CCDC178: variants seen among roughly 807,000 people sequenced by gnomAD.
CCDC178 encodes the protein coiled-coil domain-containing protein 178.
In CCDC178, 126 loss-of-function variants were observed where a neutral mutation model predicts 117.4. The observed-to-expected ratio is 1.07, with a 90% CI of 0.93 to 1.24. The LOEUF (loss-of-function observed/expected upper bound fraction) is 1.24. CCDC178 is among the 50% of genes most tolerant of loss of function. The pLI, the probability that CCDC178 is intolerant of heterozygous loss-of-function variation, is 0.00. For synonymous variants in CCDC178, 283 were observed against 313.4 expected (o/e 0.90, Z 1.02); for missense variants, 1,030 against 986.9 (o/e 1.04, Z -0.59).
chr18:33,152,989 C>G (rs1192643562), intron 20 of CCDC178, among the ~76,000 whole-genome samples: 2 of 143,310 alleles, frequency 1.4e-5, no homozygotes, highest in African/African-American at 5.1e-5. Flanking sequence ...AGAAAAAACA[C>G]AAGCAGAAAT....
rs1433603340 is a variant in CCDC178, at chr18:33,245,261, A to C, written c.1577T>G (p.Val526Gly). Residue 526 changes from valine (V) to glycine (G), a missense_variant, in exon 15 of 23, where the codon GTG becomes GGG. Val to Gly is a moderately radical substitution (Grantham distance 109). Transcript: ENST00000383096. ...TDEMEDKIAE[V>G]RRKFKGREEF... ...ATACACAACCTTGAACTTTCTTCTCACTTCTGCTATTTTATCTTCCATTTC... is the reference window on the plus strand; with the variant it reads ...ATACACAACCTTGAACTTTCTTCTCCCTTCTGCTATTTTATCTTCCATTTC... 2 of 1,585,890 alleles carry C rather than the reference A, an allele frequency of 1.3e-6. No individual in the cohort carries two copies. The highest frequency in any genetic ancestry group is 1.7e-6 in the Non-Finnish European group (2 of 1,169,414).
At chr18:33,270,409 G>T (rs139340070) in intron 12 of CCDC178, among the ~76,000 whole-genome samples, 1 of 151,558 alleles carries the variant, frequency 6.6e-6, no homozygotes, top group East Asian at 1.9e-4. Context: ...AATTCCAGTT[G>T]TAAAAACTCA....
chr18:33,102,548 C>A (rs1259746289), intron 20 of CCDC178, among the ~76,000 whole-genome samples: 2 of 151,356 alleles, frequency 1.3e-5, no homozygotes, highest in African/African-American at 4.9e-5. Flanking sequence ...CAGTCTAATA[C>A]AATATCCTTA....
intron 6 of CCDC178, among the ~76,000 whole-genome samples, chr18:33,359,399 C>T (rs2063097759): frequency 1.3e-5 from 2 of 151,568 alleles, no homozygotes; most frequent in South Asian, 4.1e-4. Context: ...TTACTTTAGT[C>T]AGTCTTTGAT....
chr18:32,987,254 C>T (rs2055282636), intron 21 of CCDC178, among the ~76,000 whole-genome samples: 1 of 151,450 alleles, frequency 6.6e-6, no homozygotes, highest in Non-Finnish European at 1.5e-5. Context: ...ACATGAAACA[C>T]ATTAAAAACT....
intron 21 of CCDC178, among the ~76,000 whole-genome samples, chr18:33,021,866 C>G (rs1275984999): frequency 6.6e-6 from 1 of 152,164 alleles, no homozygotes; most frequent in Non-Finnish European, 1.5e-5. Flanking sequence ...TCCTTTAAGG[C>G]TGCTCAACTA....
At chr18:32,999,605 G>T (rs963742639) in intron 21 of CCDC178, among the ~76,000 whole-genome samples, 1 of 152,250 alleles carries the variant, frequency 6.6e-6, no homozygotes, top group Non-Finnish European at 1.5e-5. Context: ...AGTGTTTATT[G>T]TCATCCATCC....
chr18:33,428,192 A>T (rs1013317028), intron 2 of CCDC178, among the ~76,000 whole-genome samples: 2 of 152,230 alleles, frequency 1.3e-5, no homozygotes, highest in African/African-American at 4.8e-5. Flanking sequence ...TTTGATAGAC[A>T]TATGGAGGTA....
chr18:33,099,795 C>G (rs577218069), intron 20 of CCDC178, among the ~76,000 whole-genome samples: 3 of 152,064 alleles, frequency 2.0e-5, no homozygotes, highest in South Asian at 4.2e-4. Context: ...CTCAGAGGAG[C>G]AAATAACTGT....
In CCDC178 at chr18:33,320,044, C is replaced by G. The variant is rs572509938; in HGVS notation, c.1022+3447G>C. ...AAGGCCTTTGACAAAATTCAACAGC[C>G]CTTCATGCTAAAAACTCTCAATAAA... is the stretch of plus-strand genomic sequence containing the variant. On this transcript the variant is annotated intron_variant, in intron 11 of 22. Transcript: ENST00000383096. Among the ~76,000 whole-genome samples the G allele has an allele frequency of 4.6e-5, 7 of 152,208 alleles. No homozygotes were observed. In the South Asian group the frequency reaches 1.2e-3, roughly 27 times the overall value.
intron 9 of CCDC178, 111 bp from the exon 10 acceptor site, chr18:33,333,505 A>AAT: frequency 5.6e-6 from 2 of 356,904 alleles, no homozygotes; most frequent in Non-Finnish European, 9.3e-6. Context: ...GAATCTTACT[A>AAT]CTTTTTTTTT....
At chr18:33,339,738 A>G (rs1003545328) in intron 9 of CCDC178, among the ~76,000 whole-genome samples, 1 of 151,982 alleles carries the variant, frequency 6.6e-6, no homozygotes, top group African/African-American at 2.4e-5. Context: ...TGATGGGTCT[A>G]TCAGGGGTTT....
chr18:33,265,866 A>T (rs2059806732), intron 14 of CCDC178, among the ~76,000 whole-genome samples: 1 of 152,040 alleles, frequency 6.6e-6, no homozygotes, highest in Non-Finnish European at 1.5e-5. Context: ...GCCAGACATG[A>T]CGATAGCTTG....
intron 20 of CCDC178, among the ~76,000 whole-genome samples, chr18:33,105,434 C>T (rs1036034772): frequency 1.3e-5 from 2 of 151,594 alleles, no homozygotes; most frequent in Non-Finnish European, 1.5e-5. Flanking sequence ...TGTGAAACTG[C>T]ATTAATACCA....
intron 20 of CCDC178, among the ~76,000 whole-genome samples, chr18:33,177,900 T>C (rs140570648): frequency 2.4e-4 from 36 of 152,290 alleles, no homozygotes; most frequent in Admixed American, 2.0e-4. Context: ...TCCCACAACT[T>C]CTCATATGAT....
intron 14 of CCDC178, among the ~76,000 whole-genome samples, chr18:33,249,274 A>G (rs1420621198): frequency 1.3e-5 from 2 of 152,240 alleles, no homozygotes; most frequent in African/African-American, 4.8e-5. Context: ...CAGTTTAATT[A>G]GATCCCAGTT....
intron 3 of CCDC178, among the ~76,000 whole-genome samples, chr18:33,407,620 G>C (rs1250187154): frequency 1.3e-5 from 2 of 151,896 alleles, no homozygotes; most frequent in African/African-American, 2.4e-5. Flanking sequence ...ACTGCATATA[G>C]AGAGATATAA....
chr18:32,974,591 G>A lies in CCDC178; in HGVS notation c.2479C>T (p.Gln827Ter), dbSNP rs745778282. ...TGAATACTCTCCTGAGAGTCTGTCTGGAAGTTGGCCAGCCTCATCTGGCTG... is the reference window on the plus strand; with the variant it reads ...TGAATACTCTCCTGAGAGTCTGTCTAGAAGTTGGCCAGCCTCATCTGGCTG... ...LFSQMRLANF[Q>*]TDSQESIQKI... The change falls in exon 22 of 23, where the codon CAG becomes TAG. Residue 827 changes from glutamine (Q) to a stop codon, truncating the protein, a stop_gained. Transcript: ENST00000383096. LOFTEE classifies it high-confidence loss of function. 6.8e-6 allele frequency: 11 copies of A among 1,613,556 alleles called. No homozygotes were observed. The highest frequency in any genetic ancestry group is 8.5e-6 in the Non-Finnish European group (10 of 1,179,788).
chr18:33,184,176 T>A (rs956449045), intron 20 of CCDC178, among the ~76,000 whole-genome samples: 1 of 152,094 alleles, frequency 6.6e-6, no homozygotes, highest in African/African-American at 2.4e-5. Flanking sequence ...CAAATGTCAA[T>A]GACTTGTGCA....
Sources: gnomAD v4.1 joint callset for allele counts (sites outside exome capture counted in the v4.1 genomes callset) on GRCh38, gnomAD v4.1.1 for gene constraint, MANE v1.5 for transcripts, NCBI Gene and HGNC (gene_info 2026-07-23, HGNC 2026-07-21) for gene names.